Variants in NBEAL1 observed in about 807,000 individuals in gnomAD.
The protein encoded by NBEAL1 is neurobeachin-like protein 1.
Under a neutral mutation model 351.3 loss-of-function variants are expected in NBEAL1, and 273 were observed. The ratio of observed to expected loss-of-function variants is 0.78; its 90% CI spans 0.70 to 0.86. The LOEUF is 0.86. Ranked by LOEUF, NBEAL1 falls within the 40% of genes least tolerant of loss-of-function variation. The pLI, the probability that NBEAL1 is intolerant of heterozygous loss-of-function variation, is 0.00. For missense variants in NBEAL1, 2,961 were observed against 3,201.3 expected (o/e 0.92, Z 1.81); for synonymous variants, 1,050 against 1,086.4 (o/e 0.97, Z 0.66).
At chr2:203,140,285 A>G (rs567762731) in intron 31 of NBEAL1, among the ~76,000 whole-genome samples, 1 of 152,010 alleles carries the variant, frequency 6.6e-6, no homozygotes, top group African/African-American at 2.4e-5. Context: ...CCTGGGCAAC[A>G]AGAGCAAAAC....
chr2:203,047,519 C>T (rs1044413678), intron 3 of NBEAL1, among the ~76,000 whole-genome samples: 2 of 152,090 alleles, frequency 1.3e-5, no homozygotes, highest in African/African-American at 4.8e-5. Context: ...GTCTTCAGGT[C>T]TTCCACAAGT....
chr2:203,133,902 T>C (rs1309318136), intron 27 of NBEAL1, among the ~76,000 whole-genome samples: 1 of 151,994 alleles, frequency 6.6e-6, no homozygotes, highest in African/African-American at 2.4e-5. Context: ...TTTCATTGTA[T>C]GGCTATTTAA....
intron 12 of NBEAL1, among the ~76,000 whole-genome samples, chr2:203,100,583 G>A (rs1049431710): frequency 3.6e-5 from 5 of 137,246 alleles, no homozygotes; most frequent in Non-Finnish European, 7.7e-5. Context: ...GTCTCCCTCT[G>A]TCGCCCAAGC....
chr2:203,126,977 A>G, intron 23 of NBEAL1, 51 bp downstream of exon 23: 1 of 1,263,236 alleles, frequency 7.9e-7, no homozygotes, highest in Non-Finnish European at 1.1e-6. Flanking sequence ...TCTGTCTGCT[A>G]CTTGATTGGA....
At chr2:203,124,781 G>A (rs1026779852) in intron 19 of NBEAL1, among the ~76,000 whole-genome samples, 1 of 152,148 alleles carries the variant, frequency 6.6e-6, no homozygotes, top group Admixed American at 6.5e-5. Flanking sequence ...ACTTTATGAA[G>A]TGGGTGTTAC....
intron 9 of NBEAL1, among the ~76,000 whole-genome samples, chr2:203,083,882 G>A (rs1431887413): frequency 6.6e-6 from 1 of 151,990 alleles, no homozygotes; most frequent in Non-Finnish European, 1.5e-5. Flanking sequence ...AGTGAATTTT[G>A]TATGTGCCTC....
rs1264995905 is a variant in NBEAL1 at position 203,223,968 on chromosome 2, T to C, written c.*6614T>C. On this transcript the variant is annotated 3_prime_UTR_variant, in exon 56 of 56. Transcript: ENST00000683969. ...CAGTAGTCAGACTTAATTGAAAAAC[T>C]GTCAGCGTCTGTTTTGTATATAGGG... is the stretch of plus-strand genomic sequence containing the variant. Among the ~76,000 whole-genome samples the C allele has an allele frequency of 3.9e-5, 6 of 152,090 alleles. No homozygotes were observed. Among genetic ancestry groups the C allele is most frequent in the Admixed American group, 3.9e-4 (6 of 15,272 alleles).
rs539308923 is a variant in NBEAL1, at chr2:203,107,981, G to A, written c.1742G>A (p.Arg581Gln). The change falls in exon 14 of 56, where the codon CGA becomes CAA. Residue 581 changes from arginine (R) to glutamine (Q), a missense_variant. Arg to Gln is a conservative substitution (Grantham distance 43). Coordinates refer to ENST00000683969, the MANE Select transcript of NBEAL1 (RefSeq NM_001378026.1). ...SVHPYVTPVT[R>Q]AILTMARKLS... is the part of the protein sequence containing the mutation. ...CACCCTTATGTCACTCCCGTGACTC[G>A]AGCAATCCTGACAATGGCCCGAAAA... is the stretch of plus-strand genomic sequence containing the variant. The A allele has an allele frequency of 2.6e-5, 40 of 1,554,598 alleles. No individual in the cohort carries two copies. The highest frequency in any genetic ancestry group is 4.8e-5 in the East Asian group (2 of 41,754).
chr2:203,177,168 G>GGAAAA (rs1281141441), intron 42 of NBEAL1, among the ~76,000 whole-genome samples: 1 of 144,632 alleles, frequency 6.9e-6, no homozygotes, highest in Non-Finnish European at 1.5e-5. Flanking sequence ...AAAAAAAAAA[G>GGAAAA]GAAAAGAAAA....
At chr2:203,080,067 T>C (rs1008019903) in intron 8 of NBEAL1, among the ~76,000 whole-genome samples, 2 of 152,290 alleles carry the variant, frequency 1.3e-5, no homozygotes, top group East Asian at 3.9e-4. Flanking sequence ...ATATGTCCAA[T>C]TGAGATATAT....
chr2:203,118,546 A>T (rs1050023725), intron 18 of NBEAL1, among the ~76,000 whole-genome samples: 2 of 152,116 alleles, frequency 1.3e-5, no homozygotes, highest in Middle Eastern at 3.2e-3. Context: ...AATTGCATAT[A>T]ATCCAAACAG....
In NBEAL1 at chr2:203,224,974, G is replaced by A. The variant is rs2065992825; in HGVS notation, c.*7620G>A. On this transcript the variant is annotated 3_prime_UTR_variant, in exon 56 of 56. Coordinates refer to ENST00000683969, the MANE Select transcript of NBEAL1 (RefSeq NM_001378026.1). The stretch of plus-strand genomic sequence containing the variant: ...TATGTTTTGTTTTATTACATTAAGT[G>A]CTATTTTTAAAAAATTCATTGTGTG... Among the ~76,000 whole-genome samples, 1 of 152,016 alleles carries A rather than the reference G, an allele frequency of 6.6e-6. No homozygotes were observed.
intron 33 of NBEAL1, among the ~76,000 whole-genome samples, chr2:203,145,487 A>C (rs529520474): frequency 5.1e-4 from 78 of 152,254 alleles, no homozygotes; most frequent in African/African-American, 1.8e-3. Flanking sequence ...ATCAAATTTT[A>C]AGTTTCTACC....
rs113705459 is a variant in NBEAL1 at position 203,211,029 on chromosome 2, A to G, written c.7857A>G (p.Val2619=). ...GGTCTCAAATCCTGAAGGAACAAGTATCAGATATATGTATAATCGGAGAAC... is the reference window on the plus strand; with the variant it reads ...GGTCTCAAATCCTGAAGGAACAAGTGTCAGATATATGTATAATCGGAGAAC... ...YLGSQILKEQ[V]SDICIIGEHI... is the part of the protein sequence containing the mutation. Residue 2619 remains valine (V), a synonymous_variant, in exon 54 of 56, where the codon GTA becomes GTG. Transcript: ENST00000683969. 1.2e-6 allele frequency: 2 copies of G among 1,607,650 alleles called. No individual in the cohort carries two copies. Among genetic ancestry groups the G allele is most frequent in the Admixed American group, 3.4e-5 (2 of 59,670 alleles).
intron 10 of NBEAL1, among the ~76,000 whole-genome samples, chr2:203,096,206 A>G (rs2062180054): frequency 6.6e-6 from 1 of 152,242 alleles, no homozygotes; most frequent in Non-Finnish European, 1.5e-5. Flanking sequence ...TTTCCTTGAA[A>G]TCAGACAGCC....
At chr2:203,108,965 TCAGGAAGTTGAAGCTA>T (rs2062501830) in intron 14 of NBEAL1, among the ~76,000 whole-genome samples, 1 of 152,126 alleles carries the variant, frequency 6.6e-6, no homozygotes, top group Non-Finnish European at 1.5e-5. Context: ...TCACTTCAGC[TCAGGAAGTTGAAGCTA>T]CAGTGAGCTG....
intron 14 of NBEAL1, 93 bp from the exon 15 acceptor site, chr2:203,110,057 A>T: frequency 1.6e-6 from 2 of 1,217,986 alleles, no homozygotes; most frequent in Non-Finnish European, 2.2e-6. Flanking sequence ...GTGGGTAAAG[A>T]TGTTCATGAT....
At chr2:203,209,111 G>A in intron 52 of NBEAL1, 50 bp from the exon 53 acceptor site, 1 of 1,425,542 alleles carries the variant, frequency 7.0e-7, no homozygotes, top group Non-Finnish European at 9.7e-7. Context: ...ATTCTTTTTT[G>A]CTGTTCTTTT....
intron 47 of NBEAL1, among the ~76,000 whole-genome samples, chr2:203,195,941 A>G (rs1034702216): frequency 1.3e-5 from 2 of 152,184 alleles, no homozygotes; most frequent in African/African-American, 4.8e-5. Context: ...CACCCTTGTC[A>G]TTGAGGGAAA....
Sources: allele counts gnomAD v4.1 joint callset (sites outside exome capture counted in the v4.1 genomes callset), GRCh38; gene constraint gnomAD v4.1.1; transcripts MANE v1.5; gene names NCBI Gene and HGNC (gene_info 2026-07-23, HGNC 2026-07-21).